Variants in KCNQ3 observed in about 807,000 individuals in gnomAD.
KCNQ3 encodes the protein potassium voltage-gated channel subfamily KQT member 3.
Under a neutral mutation model 92.5 loss-of-function variants are expected in KCNQ3, and 30 were observed. That is an observed-to-expected ratio of 0.32 (90% CI 0.24 to 0.44). The LOEUF (loss-of-function observed/expected upper bound fraction) is 0.44, where lower values mean the gene tolerates loss of function less well. Ranked by LOEUF, KCNQ3 falls within the 20% of genes least tolerant of loss-of-function variation. KCNQ3 has a pLI of 1.00. For synonymous variants in KCNQ3, 450 were observed against 468.8 expected (o/e 0.96, Z 0.52); for missense variants, 913 against 1,140.3 (o/e 0.80, Z 2.87).
At chr8:132,412,333 A>C (rs976793261) in intron 1 of KCNQ3, among the ~76,000 whole-genome samples, 1 of 151,622 alleles carries the variant, frequency 6.6e-6, no homozygotes, top group African/African-American at 2.4e-5. Flanking sequence ...CCTGCTTTGC[A>C]TCTCCCCTTC....
At chr8:132,365,265 CATT>C (rs1819286849) in intron 1 of KCNQ3, among the ~76,000 whole-genome samples, 1 of 152,254 alleles carries the variant, frequency 6.6e-6, no homozygotes, top group Non-Finnish European at 1.5e-5. Context: ...AAGGAGCTAA[CATT>C]TATTGGGTGC....
intron 1 of KCNQ3, among the ~76,000 whole-genome samples, chr8:132,419,080 C>T (rs1004534778): frequency 3.3e-5 from 5 of 152,212 alleles, no homozygotes; most frequent in Admixed American, 2.6e-4. Flanking sequence ...GGCAACATCA[C>T]TGAGAAGAGA....
intron 1 of KCNQ3, among the ~76,000 whole-genome samples, chr8:132,464,960 C>A (rs1055706363): frequency 1.5e-4 from 23 of 152,166 alleles, no homozygotes; most frequent in Non-Finnish European, 2.8e-4. Context: ...TGTATGTATA[C>A]AAAACCTAAA....
At chr8:132,278,856 C>G (rs1022076392) in intron 1 of KCNQ3, among the ~76,000 whole-genome samples, 2 of 152,114 alleles carry the variant, frequency 1.3e-5, no homozygotes, top group African/African-American at 4.8e-5. Context: ...TCCAGCCTCC[C>G]CAAAAGCTAG....
At chr8:132,400,690 G>T (rs1298137920) in intron 1 of KCNQ3, among the ~76,000 whole-genome samples, 3 of 152,232 alleles carry the variant, frequency 2.0e-5, no homozygotes, top group Non-Finnish European at 4.4e-5. Context: ...AATCACAGAG[G>T]CTTATCCCAG....
At chr8:132,144,058 A>C (rs1825379760) in intron 9 of KCNQ3, among the ~76,000 whole-genome samples, 1 of 152,224 alleles carries the variant, frequency 6.6e-6, no homozygotes, top group African/African-American at 2.4e-5. Context: ...AGATAATGAG[A>C]GGACTCTCTT....
chr8:132,250,954 T>C (rs1815388661), intron 1 of KCNQ3, among the ~76,000 whole-genome samples: 2 of 152,142 alleles, frequency 1.3e-5, no homozygotes, highest in Non-Finnish European at 2.9e-5. Flanking sequence ...CCAGATAAGA[T>C]CATTAGAAAG....
intron 1 of KCNQ3, among the ~76,000 whole-genome samples, chr8:132,281,087 C>T (rs2130527560): frequency 6.6e-6 from 1 of 152,276 alleles, no homozygotes; most frequent in Non-Finnish European, 1.5e-5. Context: ...CACCTGTCTT[C>T]AGTGGCAGGC....
intron 1 of KCNQ3, among the ~76,000 whole-genome samples, chr8:132,424,850 A>G (rs1466924451): frequency 2.0e-5 from 3 of 152,160 alleles, no homozygotes; most frequent in Non-Finnish European, 4.4e-5. Context: ...CATGTGTCTC[A>G]CCAAGGACAA....
chr8:132,140,747 A>C (rs377075441), intron 10 of KCNQ3: 23 of 298,972 alleles, frequency 7.7e-5, no homozygotes, highest in African/African-American at 4.4e-4. Flanking sequence ...CAGCCTCCAG[A>C]GGGCGCTTTT....
intron 1 of KCNQ3, among the ~76,000 whole-genome samples, chr8:132,424,367 C>T (rs1587006906): frequency 6.6e-6 from 1 of 152,124 alleles, no homozygotes; most frequent in Non-Finnish European, 1.5e-5. Flanking sequence ...AAAACTCTAA[C>T]CTCTACCTTT....
chr8:132,357,095 A>T (rs1819038911), intron 1 of KCNQ3, among the ~76,000 whole-genome samples: 1 of 152,238 alleles, frequency 6.6e-6, no homozygotes. Context: ...GACCAAAAAC[A>T]TCTTGAAGAT....
At chr8:132,456,062 T>C (rs1438261790) in intron 1 of KCNQ3, among the ~76,000 whole-genome samples, 1 of 152,146 alleles carries the variant, frequency 6.6e-6, no homozygotes, top group African/African-American at 2.4e-5. Context: ...ACTATTAATA[T>C]TCTCATTTTA....
At chr8:132,403,571 A>G (rs2721897) in intron 1 of KCNQ3, among the ~76,000 whole-genome samples, 45,589 of 152,172 alleles carry the variant, frequency 0.3, 8,276 homozygotes, top group East Asian at 0.46. Context: ...CCACCCTATA[A>G]GGAACACCAA....
At chr8:132,462,510 G>T (rs1822085752) in intron 1 of KCNQ3, among the ~76,000 whole-genome samples, 1 of 152,136 alleles carries the variant, frequency 6.6e-6, no homozygotes, top group Non-Finnish European at 1.5e-5. Flanking sequence ...CTTTTAAATG[G>T]TAAGTTTTTA....
chr8:132,151,860 A>T (rs1436290294), intron 9 of KCNQ3, among the ~76,000 whole-genome samples: 2 of 152,216 alleles, frequency 1.3e-5, no homozygotes, highest in Non-Finnish European at 2.9e-5. Context: ...CGTACATGGG[A>T]TTGCTACAGT....
intron 1 of KCNQ3, among the ~76,000 whole-genome samples, chr8:132,227,266 T>G (rs1406299454): frequency 2.0e-5 from 3 of 152,074 alleles, no homozygotes; most frequent in Non-Finnish European, 2.9e-5. Flanking sequence ...TTCACCATGT[T>G]GGCCAGGATG....
At chr8:132,302,125 G>A (rs945809149) in intron 1 of KCNQ3, among the ~76,000 whole-genome samples, 15 of 152,176 alleles carry the variant, frequency 9.9e-5, no homozygotes, top group Non-Finnish European at 2.2e-4. Flanking sequence ...ATACCAAGTG[G>A]GGACGAGGAT....
chr8:132,262,141 A>G (rs542130685), intron 1 of KCNQ3, among the ~76,000 whole-genome samples: 1 of 152,356 alleles, frequency 6.6e-6, no homozygotes, highest in South Asian at 2.1e-4. Flanking sequence ...ACCATATGAT[A>G]TGATAGCATC....
Sources: allele counts gnomAD v4.1 joint callset (sites outside exome capture counted in the v4.1 genomes callset), GRCh38; gene constraint gnomAD v4.1.1; transcripts MANE v1.5; gene names NCBI Gene and HGNC (gene_info 2026-07-23, HGNC 2026-07-21).